The following SDC4 variants were observed in gnomAD, a reference collection of about 807,000 sequenced individuals.
SDC4 encodes syndecan 4.
In SDC4, 17 loss-of-function variants were observed where a neutral mutation model predicts 20.5. That is an observed-to-expected ratio of 0.83 (90% CI 0.57 to 1.25). The LOEUF (loss-of-function observed/expected upper bound fraction) is 1.25, where lower values mean the gene tolerates loss of function less well. SDC4 is among the 50% of genes most tolerant of loss of function. The pLI is 0.00. For missense variants in SDC4, 241 were observed against 252.3 expected (o/e 0.96, Z 0.30); for synonymous variants, 107 against 105.3 (o/e 1.02, Z -0.10).
intron 1 of SDC4, among the ~76,000 whole-genome samples, chr20:45,339,435 G>C (rs761777694): frequency 6.6e-6 from 1 of 152,208 alleles, no homozygotes; most frequent in African/African-American, 2.4e-5. Context: ...TCCCTTTCAT[G>C]AACACACAAC....
chr20:45,335,323 G>T (rs146340803), intron 2 of SDC4, among the ~76,000 whole-genome samples: 452 of 152,190 alleles, frequency 3.0e-3, no homozygotes, highest in Non-Finnish European at 5.7e-3. Context: ...GACTCCTACA[G>T]GTGCATGCCA....
intron 1 of SDC4, among the ~76,000 whole-genome samples, chr20:45,341,152 T>G (rs1173676663): frequency 1.3e-5 from 2 of 152,166 alleles, no homozygotes; most frequent in Admixed American, 1.3e-4. Context: ...GATCAATGAA[T>G]AGTGGCTGTG....
chr20:45,343,371 T>C (rs1987982625), intron 1 of SDC4, among the ~76,000 whole-genome samples: 1 of 152,108 alleles, frequency 6.6e-6, no homozygotes, highest in South Asian at 2.1e-4. Flanking sequence ...TCACTCAGCC[T>C]CCTTAAGGGT....
chr20:45,348,186 A>G, intron 1 of SDC4, 139 bp downstream of exon 1: 1 of 857,064 alleles, frequency 1.2e-6, no homozygotes, highest in Non-Finnish European at 1.9e-6. Flanking sequence ...GTTTCCAACA[A>G]AGTTTCCCGG....
At chr20:45,336,569 G>A (rs1987872409) in intron 1 of SDC4, among the ~76,000 whole-genome samples, 1 of 152,100 alleles carries the variant, frequency 6.6e-6, no homozygotes, top group African/African-American at 2.4e-5. Flanking sequence ...TTTTCTTTTG[G>A]TGACACAGCT....
chr20:45,343,713 C>T (rs1987989131), intron 1 of SDC4, among the ~76,000 whole-genome samples: 1 of 152,172 alleles, frequency 6.6e-6, no homozygotes, highest in Non-Finnish European at 1.5e-5. Context: ...AGAAAGCTTT[C>T]CAGGAGACCT....
intron 1 of SDC4, among the ~76,000 whole-genome samples, chr20:45,342,666 G>A (rs1314817500): frequency 1.3e-5 from 2 of 152,070 alleles, no homozygotes; most frequent in Non-Finnish European, 2.9e-5. Context: ...TGGGGGTTGG[G>A]GGAAGCAGGA....
chr20:45,345,443 A>G (rs1228295094), intron 1 of SDC4: 9 of 152,000 alleles, frequency 5.9e-5, no homozygotes, highest in Non-Finnish European at 1.3e-4. Flanking sequence ...ACCTCATGGA[A>G]CCCTCCAAAT....
chr20:45,327,781 T>C (rs2235225), intron 4 of SDC4, among the ~76,000 whole-genome samples: 120,874 of 152,096 alleles, frequency 0.79, 48,451 homozygotes, highest in East Asian at 0.93. Context: ...GTAGCTGGGA[T>C]TATAGGCACG....
chr20:45,335,643 T>G (rs1046316324), intron 2 of SDC4, 139 bp downstream of exon 2: 15 of 875,936 alleles, frequency 1.7e-5, no homozygotes, highest in Non-Finnish European at 2.3e-5. Flanking sequence ...TTGTTTCCCC[T>G]TTTTTTGAGA....
At chr20:45,337,075 A>G (rs991776063) in intron 1 of SDC4, among the ~76,000 whole-genome samples, 42 of 152,230 alleles carry the variant, frequency 2.8e-4, no homozygotes, top group Non-Finnish European at 2.4e-4. Context: ...AAAGTGTCAA[A>G]GGTCCCGGGC....
chr20:45,333,179 T>C (rs1314183179), intron 2 of SDC4, 110 bp from the exon 3 acceptor site: 3 of 1,021,906 alleles, frequency 2.9e-6, no homozygotes, highest in African/African-American at 1.6e-5. Context: ...AAATGCTCAA[T>C]GTCCAGCAAG....
At chr20:45,335,041 T>C (rs1187142366) in intron 2 of SDC4, among the ~76,000 whole-genome samples, 2 of 152,220 alleles carry the variant, frequency 1.3e-5, no homozygotes, top group South Asian at 2.1e-4. Context: ...GGGACACTTA[T>C]TAGCTGTCTG....
intron 1 of SDC4, chr20:45,345,058 C>T (rs536800683): frequency 1.3e-5 from 2 of 152,246 alleles, no homozygotes; most frequent in South Asian, 2.1e-4. Flanking sequence ...AATGGTACCT[C>T]GCAGTACTGG....
chr20:45,330,188 A>G (rs2145707829), intron 4 of SDC4, among the ~76,000 whole-genome samples, 178 bp downstream of exon 4: 1 of 152,336 alleles, frequency 6.6e-6, no homozygotes, highest in South Asian at 2.1e-4. Flanking sequence ...CAGGCTGCAC[A>G]GTCAGAGCCA....
At chr20:45,334,491 T>A (rs541302264) in intron 2 of SDC4, among the ~76,000 whole-genome samples, 1 of 152,134 alleles carries the variant, frequency 6.6e-6, no homozygotes, top group Non-Finnish European at 1.5e-5. Context: ...TTTATTTTTT[T>A]ATTTTTATTT....
chr20:45,339,427 C>T (rs1036984158), intron 1 of SDC4, among the ~76,000 whole-genome samples: 2 of 152,222 alleles, frequency 1.3e-5, no homozygotes, highest in Non-Finnish European at 2.9e-5. Context: ...TATCTTTGTC[C>T]CTTTCATGAA....
chr20:45,336,219 C>A (rs369686998), intron 1 of SDC4, among the ~76,000 whole-genome samples: 1 of 152,184 alleles, frequency 6.6e-6, no homozygotes, highest in African/African-American at 2.4e-5. Context: ...TCAAGACCAG[C>A]CTGGCCAACA....
chr20:45,338,133 A>G (rs975174741), intron 1 of SDC4, among the ~76,000 whole-genome samples: 13 of 152,182 alleles, frequency 8.5e-5, no homozygotes, highest in Non-Finnish European at 1.8e-4. Context: ...TTAACCAAGC[A>G]CACAGCCTGT....
Sources: allele counts gnomAD v4.1 joint callset (sites outside exome capture counted in the v4.1 genomes callset), GRCh38; gene constraint gnomAD v4.1.1; transcripts MANE v1.5; gene names NCBI Gene and HGNC (gene_info 2026-07-23, HGNC 2026-07-21).